CCDC92: variants seen among roughly 807,000 people sequenced by gnomAD.
CCDC92 encodes coiled-coil domain-containing protein 92.
Under a neutral mutation model 24.9 loss-of-function variants are expected in CCDC92, and 12 were observed. That is an observed-to-expected ratio of 0.48 (90% CI 0.31 to 0.78). The LOEUF (loss-of-function observed/expected upper bound fraction) is 0.78, where lower values mean the gene tolerates loss of function less well. CCDC92 is among the 30% of genes least tolerant of loss of function. The pLI, the probability that CCDC92 is intolerant of heterozygous loss-of-function variation, is 0.05. For synonymous variants in CCDC92, 193 were observed against 196.3 expected, an observed-to-expected ratio of 0.98 and a Z score of 0.14; for missense variants, 399 against 439.4, an observed-to-expected ratio of 0.91 and a Z score of 0.82.
At chr12:123,966,811 C>T (rs1956403088) in intron 1 of CCDC92, among the ~76,000 whole-genome samples, 1 of 152,176 alleles carries the variant, frequency 6.6e-6, no homozygotes, top group South Asian at 2.1e-4. Context: ...TAATGAGTAA[C>T]ATTCAGTGCA....
intron 1 of CCDC92, chr12:123,962,653 A>G (rs185839951): frequency 6.5e-6 from 1 of 154,022 alleles, no homozygotes; most frequent in African/African-American, 2.4e-5. Flanking sequence ...TGGGGAGTAG[A>G]GAGAGGAAGG....
chr12:123,947,221 C>A (rs920325507), intron 1 of CCDC92, among the ~76,000 whole-genome samples: 1 of 152,210 alleles, frequency 6.6e-6, no homozygotes, highest in Non-Finnish European at 1.5e-5. Flanking sequence ...GGACCTGCAG[C>A]CTGCCATGCC....
chr12:123,962,153 T>A (rs930536631), intron 1 of CCDC92, among the ~76,000 whole-genome samples: 1 of 151,880 alleles, frequency 6.6e-6, no homozygotes, highest in Admixed American at 6.6e-5. Flanking sequence ...ATGCTGCTGC[T>A]TGTGGAAAAA....
chr12:123,949,274 G>A (rs947073341), intron 1 of CCDC92, among the ~76,000 whole-genome samples: 1 of 152,220 alleles, frequency 6.6e-6, no homozygotes. Flanking sequence ...AAGGGCATAC[G>A]CTACAAATTG....
chr12:123,961,145 A>C (rs1278648541), intron 1 of CCDC92: 1 of 152,250 alleles, frequency 6.6e-6, no homozygotes, highest in East Asian at 1.9e-4. Flanking sequence ...AAGGCTGTCC[A>C]TGAAGGGTGA....
chr12:123,968,181 G>A (rs1168577838), intron 1 of CCDC92: 1 of 152,144 alleles, frequency 6.6e-6, no homozygotes, highest in East Asian at 1.9e-4. Flanking sequence ...TCAGAAACAA[G>A]GAGAAAACTT....
rs745884206 is a variant in CCDC92, at chr12:123,937,084, G to A, written c.970C>T (p.His324Tyr). The A allele has an allele frequency of 1.1e-5, 17 of 1,613,932 alleles. No individual in the cohort carries two copies. Among genetic ancestry groups the A allele is most frequent in the Non-Finnish European group, 1.4e-5 (16 of 1,179,998 alleles). The part of the protein sequence containing the change: ...QVNGGKVVRK[H>Y]SGTDRTV ...CACACAGTTCTGTCCGTCCCTGAGT[G>A]CTTCCTCACCACCTTGCCTCCGTTC... Residue 324 changes from histidine (H) to tyrosine (Y), a missense_variant, in exon 5 of 5, where the codon CAC becomes TAC. Coordinates refer to ENST00000238156, the MANE Select transcript of CCDC92 (RefSeq NM_025140.3). This position sits in a 1 kb window ranked among gnomAD's most constrained non-coding sequence, Gnocchi z 8.4.
chr12:123,971,730 AG>A (rs1199231308), intron 1 of CCDC92: 2 of 152,288 alleles, frequency 1.3e-5, no homozygotes, highest in Non-Finnish European at 2.9e-5. Flanking sequence ...CCTAAGTTAG[AG>A]AAACTCACTC....
chr12:123,969,881 C>T (rs1956484597), intron 1 of CCDC92: 1 of 152,088 alleles, frequency 6.6e-6, no homozygotes, highest in Non-Finnish European at 1.5e-5. Flanking sequence ...TTCTGCTTGC[C>T]TTCCTAGAAA....
chr12:123,966,642 TC>T (rs1956399563), intron 1 of CCDC92: 2 of 152,318 alleles, frequency 1.3e-5, no homozygotes, highest in South Asian at 4.2e-4. Context: ...CCCAACGACT[TC>T]ACACCTTCTA....
chr12:123,946,627 C>A (rs1377479112), intron 1 of CCDC92: 2 of 152,406 alleles, frequency 1.3e-5, no homozygotes, highest in Admixed American at 6.5e-5. Context: ...TAAGCCCTAG[C>A]ACAGTGCCTG....
chr12:123,967,451 A>T (rs963653620), intron 1 of CCDC92, among the ~76,000 whole-genome samples: 11 of 152,182 alleles, frequency 7.2e-5, no homozygotes, highest in African/African-American at 2.7e-4. Context: ...CTGCTCTCCC[A>T]CGCTACTAGC....
chr12:123,937,242 T>A lies in CCDC92; in HGVS notation c.812A>T (p.Asp271Val). Residue 271 changes from aspartate (D) to valine (V), a missense_variant, in exon 5 of 5, where the codon GAC (aspartate) becomes GTC (valine). Asp to Val is a radical substitution (Grantham distance 152, BLOSUM62 -3). Transcript: ENST00000238156. This position sits in a 1 kb window ranked among gnomAD's most constrained non-coding sequence, Gnocchi z 8.4. ...RPLVIPPIAS[D>V]RSGEQHSPAR... The stretch of plus-strand genomic sequence containing the variant: ...CGGGCTGTGCTGCTCGCCGCTTCGG[T>A]CGGAGGCGATGGGGGGGATGACGAG... The A allele has an allele frequency of 6.2e-7, 1 of 1,610,738 alleles. No homozygotes were observed. The highest frequency in any genetic ancestry group is 1.3e-5 in the African/African-American group (1 of 74,998).
At chr12:123,940,581 C>T (rs533725597) in intron 4 of CCDC92, among the ~76,000 whole-genome samples, 1 of 152,346 alleles carries the variant, frequency 6.6e-6, no homozygotes, top group South Asian at 2.1e-4. Context: ...CAATTTCTTG[C>T]TCTTTATAGA....
intron 4 of CCDC92, among the ~76,000 whole-genome samples, chr12:123,938,352 C>A (rs577996501): frequency 6.6e-6 from 1 of 152,256 alleles, no homozygotes; most frequent in Admixed American, 6.5e-5. Context: ...CTCTCTCACA[C>A]ACACACACAC....
At position 123,964,950 on chromosome 12, in the gene CCDC92, T is replaced by C. The variant is rs544480657; in HGVS notation, c.-60+7579A>G. Among the ~76,000 whole-genome samples, 31 of 152,340 alleles carry C rather than the reference T, an allele frequency of 2.0e-4. No homozygotes were observed. In the South Asian group the frequency reaches 5.8e-3, roughly 29 times the overall value. On this transcript the variant is annotated intron_variant, in intron 1 of 4. Coordinates refer to ENST00000238156, the MANE Select transcript of CCDC92 (RefSeq NM_025140.3). ...CCAGCAGAATAGTGAGGCAATTAGT[T>C]AATAATTTATATTTACCTAAAAACT...
At chr12:123,951,828 G>A (rs1254133457) in intron 1 of CCDC92, among the ~76,000 whole-genome samples, 7 of 152,354 alleles carry the variant, frequency 4.6e-5, no homozygotes, top group African/African-American at 1.7e-4. Context: ...GTAACAGGAG[G>A]ATAAAATGAT....
At chr12:123,965,407 T>C (rs1426276333) in intron 1 of CCDC92, among the ~76,000 whole-genome samples, 1 of 152,222 alleles carries the variant, frequency 6.6e-6, no homozygotes, top group Non-Finnish European at 1.5e-5. Flanking sequence ...AGTTTATCGC[T>C]CTCACTGGAG....
intron 1 of CCDC92, among the ~76,000 whole-genome samples, chr12:123,951,595 C>T (rs1956027045): frequency 6.6e-6 from 1 of 152,206 alleles, no homozygotes; most frequent in African/African-American, 2.4e-5. Flanking sequence ...CCATGAACAA[C>T]GGGAGCCCTG....
Sources: gnomAD v4.1 joint callset for allele counts (sites outside exome capture counted in the v4.1 genomes callset) on GRCh38, gnomAD v4.1.1 for gene constraint, Gnocchi (gnomAD v3.1) non-coding constraint, MANE v1.5 for transcripts, NCBI Gene and HGNC (gene_info 2026-07-23, HGNC 2026-07-21) for gene names.